GRIA1: variants seen among roughly 807,000 people sequenced by gnomAD.
GRIA1 encodes glutamate ionotropic receptor AMPA type subunit 1.
In GRIA1, 31 loss-of-function variants were observed where a neutral mutation model predicts 99.2. The observed-to-expected ratio is 0.31, with a 90% CI of 0.23 to 0.42. The LOEUF (loss-of-function observed/expected upper bound fraction) is 0.42, where lower values mean the gene tolerates loss of function less well. Ranked by LOEUF, GRIA1 falls within the 10% of genes least tolerant of loss-of-function variation. The pLI, the probability that GRIA1 is intolerant of heterozygous loss-of-function variation, is 1.00. For missense variants in GRIA1, 782 were observed against 1,157.5 expected (o/e 0.68, Z 4.71); for synonymous variants, 438 against 432.4 (o/e 1.01, Z -0.16).
intron 2 of GRIA1, among the ~76,000 whole-genome samples, chr5:153,523,102 G>A (rs1471088081): frequency 6.7e-6 from 1 of 149,094 alleles, no homozygotes; most frequent in African/African-American, 2.5e-5. Context: ...CTCTTATCAT[G>A]TCATCTCTCT....
intron 2 of GRIA1, among the ~76,000 whole-genome samples, chr5:153,603,759 T>G (rs1717471063): frequency 6.6e-6 from 1 of 152,154 alleles, no homozygotes; most frequent in African/African-American, 2.4e-5. Context: ...ACTGATCATG[T>G]CTTTGCCAGT....
chr5:153,594,476 T>C (rs888010122), intron 2 of GRIA1, among the ~76,000 whole-genome samples: 5 of 152,158 alleles, frequency 3.3e-5, no homozygotes, highest in African/African-American at 9.7e-5. Context: ...GAGTTCTTTT[T>C]TGCTTTTTGA....
chr5:153,619,309 A>G (rs1422755653), intron 2 of GRIA1, among the ~76,000 whole-genome samples: 1 of 152,196 alleles, frequency 6.6e-6, no homozygotes, highest in Admixed American at 6.5e-5. Context: ...TTATCCTTGT[A>G]TTTAATTCAT....
At chr5:153,712,241 G>T (rs928946915) in intron 11 of GRIA1, among the ~76,000 whole-genome samples, 2 of 152,020 alleles carry the variant, frequency 1.3e-5, no homozygotes, top group African/African-American at 4.8e-5. Flanking sequence ...TAGTAGAGAT[G>T]GGGTTTCACC....
intron 15 of GRIA1, 72 bp from the exon 16 acceptor site, chr5:153,810,953 C>A: frequency 9.7e-7 from 1 of 1,034,210 alleles, no homozygotes; most frequent in Non-Finnish European, 1.5e-6. Flanking sequence ...CATTTGAAGT[C>A]CAGTCTTGAC....
At chr5:153,614,516 A>T (rs989237339) in intron 2 of GRIA1, among the ~76,000 whole-genome samples, 2 of 152,228 alleles carry the variant, frequency 1.3e-5, no homozygotes, top group Admixed American at 1.3e-4. Flanking sequence ...GAAACTGGTC[A>T]AGTCACTCAC....
At chr5:153,577,094 A>G (rs2149369895) in intron 2 of GRIA1, among the ~76,000 whole-genome samples, 2 of 140,420 alleles carry the variant, frequency 1.4e-5, no homozygotes, top group Middle Eastern at 3.9e-3. Context: ...GGATGAATGG[A>G]TGGATGGATG....
chr5:153,619,551 C>T lies in GRIA1; in HGVS notation c.221-27377C>T, dbSNP rs1372919334. On this transcript the variant is annotated intron_variant, in intron 2 of 15. Coordinates refer to ENST00000285900, the MANE Select transcript of GRIA1 (RefSeq NM_000827.4). Reference sequence around the variant, plus strand: ...CTGGAGAGAAAGACAAATCGCTATCCACATAATGGAAGGCATGGGGTAGGG... The same window carrying T: ...CTGGAGAGAAAGACAAATCGCTATCTACATAATGGAAGGCATGGGGTAGGG... Among the ~76,000 whole-genome samples the T allele has an allele frequency of 2.0e-5, 3 of 152,024 alleles. No individual in the cohort carries two copies. The East Asian group carries it at 5.8e-4, about 29-fold the overall frequency.
chr5:153,561,594 C>T (rs1463250951), intron 2 of GRIA1, among the ~76,000 whole-genome samples: 1 of 151,438 alleles, frequency 6.6e-6, no homozygotes, highest in African/African-American at 2.4e-5. Flanking sequence ...ATTAAGCTTC[C>T]ATTTTCTCTA....
intron 2 of GRIA1, among the ~76,000 whole-genome samples, chr5:153,597,828 C>A (rs1224959622): frequency 7.6e-5 from 11 of 144,022 alleles, no homozygotes. Flanking sequence ...GGCAACATGG[C>A]AAGACCCCGT....
chr5:153,511,863 C>A (rs986840946), intron 2 of GRIA1, among the ~76,000 whole-genome samples: 2 of 152,160 alleles, frequency 1.3e-5, no homozygotes, highest in Non-Finnish European at 2.9e-5. Flanking sequence ...GAGGCACTTG[C>A]CAAATTGGCT....
At chr5:153,806,027 C>G (rs1314440216) in intron 15 of GRIA1, among the ~76,000 whole-genome samples, 1 of 152,186 alleles carries the variant, frequency 6.6e-6, no homozygotes, top group Non-Finnish European at 1.5e-5. Context: ...CCTCTCTTAT[C>G]CGAAAGAGAT....
chr5:153,593,366 T>C (rs1009347882), intron 2 of GRIA1, among the ~76,000 whole-genome samples: 1 of 152,186 alleles, frequency 6.6e-6, no homozygotes, highest in Non-Finnish European at 1.5e-5. Flanking sequence ...TGAATTTGTG[T>C]AGGGGGCACA....
intron 7 of GRIA1, among the ~76,000 whole-genome samples, chr5:153,685,366 C>T (rs2149495921): frequency 1.3e-5 from 2 of 152,296 alleles, no homozygotes. Context: ...CACCATTTGA[C>T]TTTTGATATG....
intron 11 of GRIA1, among the ~76,000 whole-genome samples, chr5:153,708,583 T>G (rs995012759): frequency 6.6e-6 from 1 of 152,248 alleles, no homozygotes; most frequent in African/African-American, 2.4e-5. Flanking sequence ...ATAGATCCTA[T>G]AACACAGTAC....
intron 2 of GRIA1, among the ~76,000 whole-genome samples, chr5:153,521,663 G>GCT (rs1330806429): frequency 1.3e-5 from 2 of 152,160 alleles, no homozygotes; most frequent in Non-Finnish European, 2.9e-5. Context: ...TTCAGATGTA[G>GCT]CTCTGGTGGT....
intron 2 of GRIA1, among the ~76,000 whole-genome samples, chr5:153,570,423 A>T (rs563960720): frequency 1.4e-3 from 220 of 152,342 alleles, no homozygotes; most frequent in Non-Finnish European, 2.6e-3. Flanking sequence ...AAATGGCTCA[A>T]TCCATTTGAG....
rs1448150719 is a variant in GRIA1 at position 153,813,438 on chromosome 5, T to A, written c.*2213T>A. On this transcript the variant is annotated 3_prime_UTR_variant, in exon 16 of 16. Coordinates refer to ENST00000285900, the MANE Select transcript of GRIA1 (RefSeq NM_000827.4). ...ACATGAGCGGATAAAAAGAGACTTGTTTGTGCTAGAAATGAGGGTCTATGC... is the reference window on the plus strand; with the variant it reads ...ACATGAGCGGATAAAAAGAGACTTGATTGTGCTAGAAATGAGGGTCTATGC... 6.6e-6 allele frequency: 1 copy of A among 152,234 alleles called. No homozygotes were observed. The highest frequency in any genetic ancestry group is 1.5e-5 in the Non-Finnish European group (1 of 68,044). 9.4% of individuals were successfully genotyped at this position (152,234 alleles called of 1,614,324 possible).
At chr5:153,581,633 G>A (rs1162477590) in intron 2 of GRIA1, among the ~76,000 whole-genome samples, 4 of 151,860 alleles carry the variant, frequency 2.6e-5, no homozygotes, top group Admixed American at 2.6e-4. Flanking sequence ...CTTCCCCTTT[G>A]GCCCCACTCC....
Sources: gnomAD v4.1 joint callset for allele counts (sites outside exome capture counted in the v4.1 genomes callset) on GRCh38, gnomAD v4.1.1 for gene constraint, MANE v1.5 for transcripts, NCBI Gene and HGNC (gene_info 2026-07-23, HGNC 2026-07-21) for gene names.